PSMD1: variants seen among roughly 807,000 people sequenced by gnomAD.
PSMD1 encodes the protein proteasome 26S subunit, non-ATPase 1.
PSMD1 carries 18 observed loss-of-function variants against 119.0 expected under a neutral mutation model. That is an observed-to-expected ratio of 0.15 (90% CI 0.10 to 0.22). The LOEUF is 0.22. Among genes scored for constraint, PSMD1 ranks in the 10% least tolerant of loss-of-function variants. The probability of loss-of-function intolerance (pLI) is 1.00; values close to 1 mark genes in which losing one functional copy is unlikely to be tolerated. For missense variants in PSMD1, 702 were observed against 1,158.5 expected (o/e 0.61, Z 5.72); for synonymous variants, 374 against 396.6 (o/e 0.94, Z 0.68).
At chr2:231,123,412 C>T (rs777793162) in intron 16 of PSMD1, 1 of 1,608,690 alleles carries the variant, frequency 6.2e-7, no homozygotes, top group East Asian at 2.2e-5. Context: ...GAAATACTTA[C>T]CAAACATTAT....
Position 231,070,012 on chromosome 2 carries a change from C to T in PSMD1, c.511-13C>T. 2 of 1,404,592 alleles carry T rather than the reference C, an allele frequency of 1.4e-6. No homozygotes were observed. Among genetic ancestry groups the T allele is most frequent in the Non-Finnish European group, 1.9e-6 (2 of 1,065,938 alleles). 87.0% of individuals were successfully genotyped at this position (1,404,592 alleles called of 1,614,324 possible). On this transcript the variant is annotated splice_polypyrimidine_tract_variant and intron_variant, in intron 5 of 24. Coordinates refer to ENST00000308696, the MANE Select transcript of PSMD1 (RefSeq NM_002807.4). The stretch of plus-strand genomic sequence containing the variant: ...AACCAGATAACGTTATATCTTTAAA[C>T]TATCTCTTTCAGAATGATGTCCCAG...
rs368888173 is a variant in PSMD1, at chr2:231,134,672, G to T, written c.1884-4064G>T. 3.0e-4 allele frequency among the ~76,000 whole-genome samples: 46 copies of T among 152,188 alleles called. No individual in the cohort carries two copies. In the East Asian group the frequency reaches 4.6e-3, roughly 15 times the overall value. On this transcript the variant is annotated intron_variant, in intron 16 of 24. Transcript: ENST00000308696. ...TTTCTACCTACTTTTCCTCAAGCTTGTTTCTCACATTCCAGTGTTCATTCC... is the reference window on the plus strand; with the variant it reads ...TTTCTACCTACTTTTCCTCAAGCTTTTTTCTCACATTCCAGTGTTCATTCC...
chr2:231,059,871 A>G (rs983065066), intron 1 of PSMD1, among the ~76,000 whole-genome samples: 2 of 152,340 alleles, frequency 1.3e-5, no homozygotes, highest in Middle Eastern at 3.4e-3. Flanking sequence ...ATACTAATGT[A>G]TGGAGTGTAG....
intron 17 of PSMD1, among the ~76,000 whole-genome samples, chr2:231,144,308 A>G (rs868095109): frequency 2.8e-4 from 43 of 150,948 alleles, no homozygotes; most frequent in Non-Finnish European, 4.6e-4. Flanking sequence ...CCGGAGTGCA[A>G]TGGCACTATC....
chr2:231,165,245 G>C lies in PSMD1; in HGVS notation c.2527G>C (p.Glu843Gln), dbSNP rs767569071. The C allele has an allele frequency of 6.2e-7, 1 of 1,605,916 alleles. No homozygotes were observed. Among genetic ancestry groups the C allele is most frequent in the Non-Finnish European group, 8.5e-7 (1 of 1,174,784 alleles). ...LSITAKAKKK[E>Q]KEKEKKEEEK... ...TATAACTGCCAAGGCTAAAAAGAAGGAAAAAGAAAAGGAAAAAAAGGAGGA... is the reference window on the plus strand; with the variant it reads ...TATAACTGCCAAGGCTAAAAAGAAGCAAAAAGAAAAGGAAAAAAAGGAGGA... Residue 843 changes from glutamate (E) to glutamine (Q), a missense_variant, in exon 22 of 25, where the codon GAA becomes CAA. Around this residue, in one of 9 missense-constraint regions of PSMD1, gnomAD observed 152 missense variants for 239.3 expected, o/e 0.64. Transcript: ENST00000308696.
Position 231,070,145 on chromosome 2 carries a change from C to G in PSMD1, c.631C>G (p.Pro211Ala). Residue 211 changes from proline (P) to alanine (A), a missense_variant, in exon 6 of 25, where the codon CCT becomes GCT. Coordinates refer to ENST00000308696, the MANE Select transcript of PSMD1 (RefSeq NM_002807.4). Reference sequence around the variant, plus strand: ...TAAAATCTACATGAACTTGGAGAAACCTGATTTCATCAATGTTTGTCAGGT... The same window carrying G: ...TAAAATCTACATGAACTTGGAGAAAGCTGATTTCATCAATGTTTGTCAGGT... ...LVKIYMNLEKPDFINVCQCLI... is the reference protein window; with the variant it reads ...LVKIYMNLEKADFINVCQCLI... 1 of 1,550,724 alleles carries G rather than the reference C, an allele frequency of 6.4e-7. No homozygotes were observed. Among genetic ancestry groups the G allele is most frequent in the South Asian group, 1.3e-5 (1 of 79,464 alleles).
intron 12 of PSMD1, among the ~76,000 whole-genome samples, chr2:231,081,090 G>A (rs1694297864): frequency 6.7e-6 from 1 of 148,632 alleles, no homozygotes; most frequent in African/African-American, 2.5e-5. Context: ...GTTGCAGTGA[G>A]GCCAAGATGG....
rs16827802 is a variant in PSMD1 at position 231,120,562 on chromosome 2, A to C, written c.1884-18174A>C. On this transcript the variant is annotated intron_variant, in intron 16 of 24. Transcript: ENST00000308696. ...AAGACAATGTTGTGCCTGAGTTGTC[A>C]TAATCTTGGGAAAATATGAATTCAA... 7.9e-3 allele frequency among the ~76,000 whole-genome samples: 1,205 copies of C among 152,374 alleles called. 22 individuals carry two copies. Among genetic ancestry groups the C allele is most frequent in the African/African-American group, 0.028 (1,154 of 41,584 alleles).
chr2:231,129,984 G>C (rs2125240551), intron 16 of PSMD1, among the ~76,000 whole-genome samples: 1 of 152,108 alleles, frequency 6.6e-6, no homozygotes, highest in Middle Eastern at 3.4e-3. Flanking sequence ...CTCCCAAGCA[G>C]CTGGGATTAC....
At chr2:231,109,096 C>T in intron 16 of PSMD1, 3 of 1,614,162 alleles carry the variant, frequency 1.9e-6, no homozygotes, top group Non-Finnish European at 2.5e-6. Flanking sequence ...GAGCCTTGTC[C>T]TTTCGAGAAC....
chr2:231,079,090 C>T (rs949677163), intron 10 of PSMD1, among the ~76,000 whole-genome samples: 9 of 152,134 alleles, frequency 5.9e-5, no homozygotes, highest in East Asian at 3.9e-4. Flanking sequence ...CCACCGCACC[C>T]GGCCTAAAAT....
intron 16 of PSMD1, among the ~76,000 whole-genome samples, chr2:231,106,315 C>T (rs1017583422): frequency 6.6e-6 from 1 of 152,052 alleles, no homozygotes; most frequent in Non-Finnish European, 1.5e-5. Flanking sequence ...ATAGAAAGAT[C>T]TCTGGGTTAA....
rs143720576 is a variant in PSMD1 at position 231,086,714 on chromosome 2, G to A, written c.1819-403G>A. The stretch of plus-strand genomic sequence containing the variant: ...ATCTTAAACTTTGTCAAGCTGTGAA[G>A]ACTTCTAAGCCCCTGAATTGAAATT... On this transcript the variant is annotated intron_variant, in intron 15 of 24. Transcript: ENST00000308696. 7.7e-3 allele frequency among the ~76,000 whole-genome samples: 1,173 copies of A among 152,242 alleles called. 23 individuals carry two copies. Among genetic ancestry groups the A allele is most frequent in the African/African-American group, 0.027 (1,129 of 41,544 alleles).
At chr2:231,089,015 C>T (rs551455212) in intron 16 of PSMD1, among the ~76,000 whole-genome samples, 1 of 152,274 alleles carries the variant, frequency 6.6e-6, no homozygotes, top group African/African-American at 2.4e-5. Context: ...TTGTAGTGCT[C>T]CGGAGAGAAG....
chr2:231,065,047 G>A (rs1559216376), intron 4 of PSMD1, among the ~76,000 whole-genome samples: 1 of 149,284 alleles, frequency 6.7e-6, no homozygotes, highest in South Asian at 2.2e-4. Flanking sequence ...AAAGTCCTCT[G>A]CTTCCTTCAA....
chr2:231,096,197 A>G (rs920361599), intron 16 of PSMD1, among the ~76,000 whole-genome samples: 1 of 152,234 alleles, frequency 6.6e-6, no homozygotes, highest in African/African-American at 2.4e-5. Flanking sequence ...CAGGCAGGCT[A>G]AGAGCTCCCC....
chr2:231,080,454 A>G (rs1441581520), intron 12 of PSMD1, 140 bp downstream of exon 12: 3 of 667,514 alleles, frequency 4.5e-6, no homozygotes, highest in East Asian at 2.9e-5. Context: ...TTTTTTTTTT[A>G]GGTAATTTCA....
intron 21 of PSMD1, among the ~76,000 whole-genome samples, chr2:231,164,003 C>T (rs112169251): frequency 2.0e-5 from 3 of 152,286 alleles, no homozygotes; most frequent in African/African-American, 7.2e-5. Context: ...ACATACTTTT[C>T]TGCATCTTGT....
At chr2:231,149,039 G>T (rs1696313529) in intron 18 of PSMD1, among the ~76,000 whole-genome samples, 1 of 152,212 alleles carries the variant, frequency 6.6e-6, no homozygotes, top group Non-Finnish European at 1.5e-5. Context: ...ATTCAAAAGA[G>T]AAATTTCTCA....
Sources: allele counts gnomAD v4.1 joint callset (sites outside exome capture counted in the v4.1 genomes callset), GRCh38; gene constraint gnomAD v4.1.1; regional missense constraint gnomAD v4.1.1; transcripts MANE v1.5; gene names NCBI Gene and HGNC (gene_info 2026-07-23, HGNC 2026-07-21).